ZNF385D: variants seen among roughly 807,000 people sequenced by gnomAD.
The protein encoded by ZNF385D is zinc finger protein 385D, also known as zinc finger protein 659.
In ZNF385D, 15 loss-of-function variants were observed where a neutral mutation model predicts 35.8. That is an observed-to-expected ratio of 0.42 (90% CI 0.28 to 0.64). The LOEUF (loss-of-function observed/expected upper bound fraction) is 0.64, where lower values mean the gene tolerates loss of function less well. ZNF385D is among the 30% of genes least tolerant of loss of function. ZNF385D has a pLI of 0.23. For missense variants in ZNF385D, 474 were observed against 494.6 expected, an observed-to-expected ratio of 0.96 and a Z score of 0.39; for synonymous variants, 212 against 186.8, an observed-to-expected ratio of 1.13 and a Z score of -1.10.
chr3:22,199,994 T>C (rs773503706), intron 2 of ZNF385D, among the ~76,000 whole-genome samples: 11 of 152,108 alleles, frequency 7.2e-5, no homozygotes, highest in Non-Finnish European at 1.3e-4. Context: ...AAAAAAACTA[T>C]AAAATAGGCA....
At position 22,104,592 on chromosome 3, in the gene ZNF385D, T is replaced by C. The variant is rs79832713; in HGVS notation, c.325+64225A>G. 4.6e-3 allele frequency among the ~76,000 whole-genome samples: 705 copies of C among 152,270 alleles called. 7 individuals are homozygous for C. The highest frequency in any genetic ancestry group is 0.016 in the African/African-American group (676 of 41,560). ...AGTGATTTTTCAATTCTTCATTTTT[T>C]AGAATCATGAATTTCTATTACATTC... On this transcript the variant is annotated intron_variant, in intron 3 of 5. Coordinates refer to the ZNF385D transcript ENST00000494108.
chr3:21,965,853 G>A (rs907013364), intron 3 of ZNF385D, among the ~76,000 whole-genome samples: 1 of 152,148 alleles, frequency 6.6e-6, no homozygotes, highest in Non-Finnish European at 1.5e-5. Flanking sequence ...AGAAAGAAGG[G>A]AGGAAGGAAT....
intron 3 of ZNF385D, among the ~76,000 whole-genome samples, chr3:22,134,800 G>A (rs1418534479): frequency 1.3e-5 from 2 of 152,130 alleles, no homozygotes; most frequent in African/African-American, 2.4e-5. Context: ...AAGGACAAGA[G>A]AGAGAGATAG....
intron 3 of ZNF385D, among the ~76,000 whole-genome samples, chr3:21,830,909 A>C (rs1192510235): frequency 6.6e-6 from 1 of 152,188 alleles, no homozygotes; most frequent in African/African-American, 2.4e-5. Flanking sequence ...AGTTCACTGA[A>C]GGGTGTCATA....
chr3:22,007,332 T>C (rs760518568), intron 3 of ZNF385D, among the ~76,000 whole-genome samples: 3 of 152,250 alleles, frequency 2.0e-5, no homozygotes, highest in Non-Finnish European at 2.9e-5. Context: ...ATACATTCTT[T>C]TTAACATTGG....
intron 3 of ZNF385D, among the ~76,000 whole-genome samples, chr3:22,083,869 C>T (rs1241200011): frequency 6.6e-6 from 1 of 152,220 alleles, no homozygotes; most frequent in Non-Finnish European, 1.5e-5. Flanking sequence ...GCCCATCAGA[C>T]TAACAGCTGA....
intron 2 of ZNF385D, among the ~76,000 whole-genome samples, chr3:22,261,803 C>T (rs1258879273): frequency 6.6e-6 from 1 of 151,858 alleles, no homozygotes; most frequent in Non-Finnish European, 1.5e-5. Flanking sequence ...AGGTCTCTCT[C>T]TGAGTTTCTG....
intron 2 of ZNF385D, chr3:21,580,106 C>A (rs1025132322): frequency 3.3e-5 from 5 of 152,046 alleles, no homozygotes; most frequent in Non-Finnish European, 7.3e-5. Context: ...GCTAGGATAT[C>A]CTGGTTAATG....
chr3:21,553,114 A>G (rs993207977), intron 3 of ZNF385D, among the ~76,000 whole-genome samples: 1 of 152,214 alleles, frequency 6.6e-6, no homozygotes, highest in Non-Finnish European at 1.5e-5. Flanking sequence ...AAAGGCAAGC[A>G]ACTGGATTCT....
upstream of ZNF385D, among the ~76,000 whole-genome samples, chr3:21,754,651 C>T (rs2070258326): frequency 6.6e-6 from 1 of 152,004 alleles, no homozygotes; most frequent in African/African-American, 2.4e-5. Flanking sequence ...TTGTCCCTCC[C>T]CTGACATTTC....
chr3:22,310,482 T>C (rs960624375), intron 2 of ZNF385D, among the ~76,000 whole-genome samples: 1 of 152,040 alleles, frequency 6.6e-6, no homozygotes, highest in African/African-American at 2.4e-5. Flanking sequence ...ATTTATGCTA[T>C]ATCCAGGTTT....
chr3:21,821,181 A>T (rs150344487), intron 3 of ZNF385D, among the ~76,000 whole-genome samples: 2 of 152,216 alleles, frequency 1.3e-5, no homozygotes, highest in Admixed American at 1.3e-4. Context: ...AGACAAGAAT[A>T]GTAGAAGGTG....
chr3:21,782,182 G>C (rs1238122125), intron 3 of ZNF385D, among the ~76,000 whole-genome samples: 1 of 152,098 alleles, frequency 6.6e-6, no homozygotes, highest in Non-Finnish European at 1.5e-5. Flanking sequence ...TCCTGTGAGA[G>C]TTGTGCCTAT....
At chr3:22,127,673 G>T (rs116762017) in intron 3 of ZNF385D, among the ~76,000 whole-genome samples, 2,670 of 151,948 alleles carry the variant, frequency 0.018, 64 homozygotes, top group African/African-American at 0.061. Context: ...TTCCCATGAG[G>T]CTCACAAATA....
chr3:22,260,118 T>C (rs1392797921), intron 2 of ZNF385D, among the ~76,000 whole-genome samples: 2 of 152,028 alleles, frequency 1.3e-5, no homozygotes, highest in Non-Finnish European at 2.9e-5. Context: ...AAATACATTG[T>C]ATTCAGGCTT....
chr3:22,198,402 G>A (rs1696562258), intron 2 of ZNF385D, among the ~76,000 whole-genome samples: 1 of 151,998 alleles, frequency 6.6e-6, no homozygotes, highest in African/African-American at 2.4e-5. Flanking sequence ...TTAATGATCT[G>A]GTACTAAGCA....
At chr3:21,425,177 G>A (rs540834642) in intron 6 of ZNF385D, among the ~76,000 whole-genome samples, 14 of 152,266 alleles carry the variant, frequency 9.2e-5, no homozygotes, top group South Asian at 2.1e-4. Context: ...TGGAAAATCC[G>A]GTAGAGAAAA....
chr3:21,770,193 T>C (rs1297610871), intron 3 of ZNF385D, among the ~76,000 whole-genome samples: 1 of 152,050 alleles, frequency 6.6e-6, no homozygotes, highest in Non-Finnish European at 1.5e-5. Flanking sequence ...ACTTCATGTC[T>C]AAAACACCAA....
intron 3 of ZNF385D, among the ~76,000 whole-genome samples, chr3:21,816,353 TA>T (rs2073148517): frequency 6.6e-6 from 1 of 151,944 alleles, no homozygotes; most frequent in South Asian, 2.1e-4. Flanking sequence ...GAGAAAAAAA[TA>T]AAGGGTATTC....
Sources: gnomAD v4.1 joint callset for allele counts (sites outside exome capture counted in the v4.1 genomes callset) on GRCh38, gnomAD v4.1.1 for gene constraint, MANE v1.5 for transcripts, NCBI Gene and HGNC (gene_info 2026-07-23, HGNC 2026-07-21) for gene names.